Variants in METTL8 observed in about 807,000 individuals in gnomAD.
METTL8 encodes the protein tRNA N(3)-cytidine methyltransferase METTL8, mitochondrial.
A neutral mutation model predicts 48.7 loss-of-function variants in METTL8; 32 were observed. The observed-to-expected ratio is 0.66, with a 90% CI of 0.50 to 0.88. The LOEUF is 0.88. Ranked by LOEUF, METTL8 falls within the 40% of genes least tolerant of loss-of-function variation. The probability of loss-of-function intolerance (pLI) is 0.00; values close to 1 mark genes in which losing one functional copy is unlikely to be tolerated. For missense variants in METTL8, 464 were observed against 474.4 expected (o/e 0.98, Z 0.20); for synonymous variants, 136 against 157.1 (o/e 0.87, Z 1.01).
chr2:171,431,544 G>A (rs1256940409), intron 1 of METTL8, among the ~76,000 whole-genome samples: 1 of 152,196 alleles, frequency 6.6e-6, no homozygotes, highest in Non-Finnish European at 1.5e-5. Flanking sequence ...GAGCTGTTTT[G>A]TTGCTCAATA....
intron 1 of METTL8, among the ~76,000 whole-genome samples, chr2:171,407,041 G>A (rs1392753057): frequency 2.0e-5 from 3 of 152,146 alleles, no homozygotes; most frequent in Non-Finnish European, 4.4e-5. Flanking sequence ...ATTTAGGCTT[G>A]TAGTATGGAA....
At chr2:171,421,628 T>C (rs1422322987) in intron 1 of METTL8, among the ~76,000 whole-genome samples, 2 of 152,240 alleles carry the variant, frequency 1.3e-5, no homozygotes, top group Non-Finnish European at 2.9e-5. Context: ...GAGAGCTACA[T>C]AGTGACTCTT....
chr2:171,382,085 A>C (rs1032199681), intron 2 of METTL8, among the ~76,000 whole-genome samples: 1 of 152,082 alleles, frequency 6.6e-6, no homozygotes, highest in African/African-American at 2.4e-5. Context: ...CCCAGCCAGG[A>C]ATGCTTTTAC....
chr2:171,395,159 A>G (rs938171635), intron 1 of METTL8, among the ~76,000 whole-genome samples: 5 of 152,208 alleles, frequency 3.3e-5, no homozygotes, highest in African/African-American at 9.6e-5. Context: ...GGCATACTCT[A>G]ATTTGAATAC....
chr2:171,434,536 C>A (rs1264222609), upstream of METTL8: 1 of 1,523,428 alleles, frequency 6.6e-7, no homozygotes, highest in African/African-American at 1.4e-5. Context: ...TGGGGCGCGC[C>A]ACTCGGCGGC....
intron 3 of METTL8, among the ~76,000 whole-genome samples, chr2:171,345,095 T>C (rs1687138184): frequency 6.6e-6 from 1 of 152,188 alleles, no homozygotes; most frequent in Non-Finnish European, 1.5e-5. Flanking sequence ...CCTAGGTTGG[T>C]GATTCAGAGT....
intron 1 of METTL8, among the ~76,000 whole-genome samples, chr2:171,432,674 G>A (rs892301153): frequency 2.6e-5 from 4 of 152,116 alleles, no homozygotes; most frequent in African/African-American, 9.7e-5. Context: ...ATCAGCAAAA[G>A]CTCGAGCCCT....
intron 1 of METTL8, among the ~76,000 whole-genome samples, chr2:171,406,997 G>C (rs1690247542): frequency 6.6e-6 from 1 of 152,038 alleles, no homozygotes; most frequent in Non-Finnish European, 1.5e-5. Flanking sequence ...CTAGTTTGTG[G>C]GGCGAAATAT....
intron 3 of METTL8, among the ~76,000 whole-genome samples, chr2:171,340,458 C>T (rs1431126237): frequency 1.4e-5 from 2 of 141,700 alleles, no homozygotes; most frequent in Non-Finnish European, 3.0e-5. Flanking sequence ...GCAGAGAACA[C>T]GCCATTGCAC....
chr2:171,394,057 A>C (rs1365558963), intron 1 of METTL8, among the ~76,000 whole-genome samples: 3 of 152,148 alleles, frequency 2.0e-5, no homozygotes, highest in Non-Finnish European at 2.9e-5. Flanking sequence ...TCTTTGGTGG[A>C]GGCAAATGAA....
chr2:171,353,371 G>A (rs1011381710), intron 3 of METTL8, among the ~76,000 whole-genome samples: 2 of 152,188 alleles, frequency 1.3e-5, no homozygotes, highest in African/African-American at 4.8e-5. Flanking sequence ...ATTTGCCGAG[G>A]AGTGCTTTAC....
At chr2:171,408,449 C>T (rs1173630036) in intron 1 of METTL8, among the ~76,000 whole-genome samples, 1 of 152,074 alleles carries the variant, frequency 6.6e-6, no homozygotes, top group Non-Finnish European at 1.5e-5. Context: ...CATGCACCAC[C>T]ACGCTTGGCT....
At chr2:171,399,882 T>C (rs564487180) in intron 1 of METTL8, among the ~76,000 whole-genome samples, 26 of 152,240 alleles carry the variant, frequency 1.7e-4, no homozygotes, top group Admixed American at 1.6e-3. Context: ...TTCATGCCTG[T>C]AATCCCAGCA....
intron 2 of METTL8, among the ~76,000 whole-genome samples, chr2:171,385,002 T>C (rs1687911779): frequency 6.6e-6 from 1 of 151,838 alleles, no homozygotes; most frequent in Non-Finnish European, 1.5e-5. Context: ...AATATGGTCA[T>C]ATAGAGAGTA....
intron 1 of METTL8, among the ~76,000 whole-genome samples, chr2:171,411,762 C>T (rs1690776371): frequency 6.6e-6 from 1 of 151,978 alleles, no homozygotes; most frequent in South Asian, 2.1e-4. Context: ...GTAAAAAAGA[C>T]TCTTAAACAT....
At chr2:171,396,135 G>A (rs1198720081) in intron 1 of METTL8, among the ~76,000 whole-genome samples, 2 of 152,060 alleles carry the variant, frequency 1.3e-5, no homozygotes, top group Non-Finnish European at 2.9e-5. Flanking sequence ...AATTAGCTGG[G>A]TATGGTGGCG....
At chr2:171,330,511 T>G (rs761019522) in intron 7 of METTL8, 48 bp downstream of exon 7, 6 of 1,565,814 alleles carry the variant, frequency 3.8e-6, no homozygotes, top group South Asian at 2.4e-5. Flanking sequence ...AAACCACTAC[T>G]GATAAAGGAG....
intron 1 of METTL8, among the ~76,000 whole-genome samples, chr2:171,421,861 ACT>A (rs927013655): frequency 7.0e-4 from 107 of 152,092 alleles, no homozygotes; most frequent in African/African-American, 2.5e-3. Flanking sequence ...CTGAGGAAAG[ACT>A]CTATAGTCTT....
intron 5 of METTL8, among the ~76,000 whole-genome samples, chr2:171,333,334 G>A (rs1026442114): frequency 1.3e-5 from 2 of 152,138 alleles, no homozygotes; most frequent in Non-Finnish European, 2.9e-5. Context: ...CTGACCTCAG[G>A]TGATCCACCC....
Sources: allele counts gnomAD v4.1 joint callset (sites outside exome capture counted in the v4.1 genomes callset), GRCh38; gene constraint gnomAD v4.1.1; transcripts MANE v1.5; gene names NCBI Gene and HGNC (gene_info 2026-07-23, HGNC 2026-07-21).